Variants in SPMIP2 observed in about 807,000 individuals in gnomAD.
SPMIP2 encodes sperm microtubule inner protein 2, also known as protein SPMIP2.
At chr4:158,984,911 G>A in the SPMIP2 span, among the ~76,000 whole-genome samples, 1 of 151,786 alleles carries the variant, frequency 6.6e-6, no homozygotes, top group Admixed American at 6.6e-5. Flanking sequence ...AAAAAAGAGA[G>A]AAGAATCAAA....
the SPMIP2 span, among the ~76,000 whole-genome samples, chr4:158,989,420 CA>C: frequency 6.6e-6 from 1 of 152,064 alleles, no homozygotes; most frequent in Non-Finnish European, 1.5e-5. Context: ...CCCACATAGC[CA>C]AGAAAATCTT....
chr4:159,070,978 A>C, the SPMIP2 span, among the ~76,000 whole-genome samples: 2 of 152,200 alleles, frequency 1.3e-5, no homozygotes, highest in Admixed American at 1.3e-4. Flanking sequence ...GATGATGAGC[A>C]CTATTGGCAA....
chr4:158,963,166 T>C, the SPMIP2 span, among the ~76,000 whole-genome samples: 3 of 152,112 alleles, frequency 2.0e-5, no homozygotes, highest in African/African-American at 7.2e-5. Flanking sequence ...CAGGAAAATA[T>C]AGTAGAGAGA....
the SPMIP2 span, among the ~76,000 whole-genome samples, chr4:158,968,082 C>T: frequency 2.6e-5 from 4 of 152,282 alleles, no homozygotes; most frequent in African/African-American, 7.2e-5. Context: ...CAGGCTGGAA[C>T]GCAGTGGCGC....
At chr4:159,066,916 G>A in the SPMIP2 span, among the ~76,000 whole-genome samples, 22 of 152,264 alleles carry the variant, frequency 1.4e-4, no homozygotes, top group African/African-American at 4.8e-4. Flanking sequence ...GTAAACAAAC[G>A]GGCATGTTTG....
chr4:159,041,331 T>C, the SPMIP2 span, among the ~76,000 whole-genome samples: 2 of 152,202 alleles, frequency 1.3e-5, no homozygotes. Context: ...CACAAAACAT[T>C]ATAATTTCTA....
At chr4:158,899,088 C>G in the SPMIP2 span, among the ~76,000 whole-genome samples, 2 of 152,150 alleles carry the variant, frequency 1.3e-5, no homozygotes, top group Non-Finnish European at 2.9e-5. Context: ...TTTTCTGCAT[C>G]TATTGAGATG....
At chr4:158,895,630 A>C in the SPMIP2 span, 2 of 650,552 alleles carry the variant, frequency 3.1e-6, no homozygotes, top group Admixed American at 4.8e-5. Flanking sequence ...TTTTAAGTGT[A>C]TTTGAAACTG....
the SPMIP2 span, among the ~76,000 whole-genome samples, chr4:159,032,411 G>T: frequency 6.6e-6 from 1 of 152,168 alleles, no homozygotes; most frequent in Non-Finnish European, 1.5e-5. Context: ...ATACAAATTT[G>T]TAACAGTAAA....
chr4:159,001,404 A>T, the SPMIP2 span, among the ~76,000 whole-genome samples: 4 of 152,160 alleles, frequency 2.6e-5, no homozygotes, highest in Non-Finnish European at 5.9e-5. Flanking sequence ...CAAGTTTGTT[A>T]TATAGGTAAA....
At chr4:158,977,409 A>G in the SPMIP2 span, among the ~76,000 whole-genome samples, 1 of 152,040 alleles carries the variant, frequency 6.6e-6, no homozygotes, top group African/African-American at 2.4e-5. Context: ...CTCTGATAGT[A>G]GTTTGTATTT....
At chr4:158,956,805 A>G in the SPMIP2 span, among the ~76,000 whole-genome samples, 2 of 152,180 alleles carry the variant, frequency 1.3e-5, no homozygotes, top group East Asian at 3.9e-4. Flanking sequence ...TAAAAGCTCA[A>G]CTGAACCTTT....
At chr4:158,946,095 T>C in the SPMIP2 span, among the ~76,000 whole-genome samples, 2 of 152,194 alleles carry the variant, frequency 1.3e-5, no homozygotes, top group African/African-American at 2.4e-5. Context: ...TCACACACTT[T>C]AGATGTGTGT....
At chr4:158,984,379 G>A in the SPMIP2 span, among the ~76,000 whole-genome samples, 3 of 148,522 alleles carry the variant, frequency 2.0e-5, no homozygotes, top group Admixed American at 6.8e-5. Flanking sequence ...CACATACTTG[G>A]GAGTAAAGCT....
the SPMIP2 span, among the ~76,000 whole-genome samples, chr4:159,041,501 G>A: frequency 6.6e-6 from 1 of 152,120 alleles, no homozygotes; most frequent in African/African-American, 2.4e-5. Flanking sequence ...CCCATGAGCT[G>A]TCTGACACTG....
chr4:158,921,568 G>A, the SPMIP2 span, among the ~76,000 whole-genome samples: 28 of 152,112 alleles, frequency 1.8e-4, no homozygotes, highest in Non-Finnish European at 2.9e-4. Context: ...TTCATCTTCT[G>A]TCATTATTGT....
At chr4:159,082,473 G>A in the SPMIP2 span, among the ~76,000 whole-genome samples, 6 of 88,528 alleles carry the variant, frequency 6.8e-5, no homozygotes, top group East Asian at 2.6e-4. Flanking sequence ...GTGTGTGTGT[G>A]TGTGTGTGTG....
At chr4:159,017,315 A>G in the SPMIP2 span, among the ~76,000 whole-genome samples, 1 of 151,064 alleles carries the variant, frequency 6.6e-6, no homozygotes, top group African/African-American at 2.4e-5. Context: ...CTTGTAAGTT[A>G]GTGCCTATGA....
the SPMIP2 span, among the ~76,000 whole-genome samples, chr4:159,029,032 C>T: frequency 1.3e-5 from 2 of 152,092 alleles, no homozygotes; most frequent in African/African-American, 4.8e-5. Context: ...GAGGCAGAGA[C>T]TGCAGTGAGC....
Sources: gnomAD v4.1 joint callset for allele counts (sites outside exome capture counted in the v4.1 genomes callset) on GRCh38, gnomAD v4.1.1 for gene constraint, MANE v1.5 for transcripts, NCBI Gene and HGNC (gene_info 2026-07-23, HGNC 2026-07-21) for gene names.